SNX1: variants seen among roughly 807,000 people sequenced by gnomAD.
The protein encoded by SNX1 is sorting nexin 1, also known as sorting nexin-1.
A neutral mutation model predicts 71.8 loss-of-function variants in SNX1; 36 were observed. The ratio of observed to expected loss-of-function variants is 0.50; its 90% CI spans 0.38 to 0.66. The LOEUF is 0.66. Ranked by LOEUF, SNX1 falls within the 30% of genes least tolerant of loss-of-function variation. The probability of loss-of-function intolerance (pLI) is 0.00; values close to 1 mark genes in which losing one functional copy is unlikely to be tolerated. For missense variants in SNX1, 612 were observed against 646.7 expected (o/e 0.95, Z 0.58); for synonymous variants, 254 against 240.7 (o/e 1.06, Z -0.51).
chr15:64,115,698 G>A, intron 2 of SNX1: 1 of 210,838 alleles, frequency 4.7e-6, no homozygotes, highest in South Asian at 4.7e-5. Context: ...TGAGTAGCTA[G>A]GACCACAGGT....
Position 64,138,174 on chromosome 15 carries a change from G to C in SNX1, c.*556G>C. On this transcript the variant is annotated 3_prime_UTR_variant, in exon 15 of 15. Coordinates refer to ENST00000559844, the MANE Select transcript of SNX1 (RefSeq NM_003099.5). Reference sequence around the variant, plus strand: ...CTGGAAATGGGGTTTCTTTCTCTCCGCCTACCTCAGCTACCTGTTCTGAGG... The same window carrying C: ...CTGGAAATGGGGTTTCTTTCTCTCCCCCTACCTCAGCTACCTGTTCTGAGG... 1 of 1,535,168 alleles carries C rather than the reference G, an allele frequency of 6.5e-7. No homozygotes were observed. The highest frequency in any genetic ancestry group is 1.2e-5 in the South Asian group (1 of 83,954).
Position 64,118,771 on chromosome 15 carries a change from G to A in SNX1, c.400-17G>A. 2.5e-6 allele frequency: 4 copies of A among 1,596,796 alleles called. No individual in the cohort carries two copies. Among genetic ancestry groups the A allele is most frequent in the Non-Finnish European group, 3.4e-6 (4 of 1,165,450 alleles). ...TTTTTCATATCAACTCTCATGATTT[G>A]TCTTTTCTTGAAAAAGCTAGAGGAA... On this transcript the variant is annotated splice_polypyrimidine_tract_variant and intron_variant, in intron 3 of 14. Coordinates refer to ENST00000559844, the MANE Select transcript of SNX1 (RefSeq NM_003099.5).
intron 5 of SNX1, among the ~76,000 whole-genome samples, chr15:64,124,498 C>G (rs2081229871): frequency 7.3e-6 from 1 of 137,204 alleles, no homozygotes; most frequent in Non-Finnish European, 1.5e-5. Context: ...CAGAGGGAGA[C>G]TCTGTCTCAA....
intron 1 of SNX1, among the ~76,000 whole-genome samples, chr15:64,102,916 G>T (rs1376901659): frequency 6.6e-6 from 1 of 151,854 alleles, no homozygotes; most frequent in Non-Finnish European, 1.5e-5. Flanking sequence ...ACAGGTGCAT[G>T]CCACCATGCC....
chr15:64,096,102 G>T lies in SNX1; in HGVS notation c.89G>T (p.Gly30Val). 1.3e-6 allele frequency: 2 copies of T among 1,565,130 alleles called. No individual in the cohort carries two copies. Among genetic ancestry groups the T allele is most frequent in the Non-Finnish European group, 8.6e-7 (1 of 1,156,958 alleles). ...GLEPESEGAAGGSEPEAGDSD... is the reference protein window; with the variant it reads ...GLEPESEGAAVGSEPEAGDSD... The stretch of plus-strand genomic sequence containing the variant: ...GAGCCGGAGTCCGAGGGGGCGGCCG[G>T]GGGATCAGAACCCGAGGCTGGGGAC... The change falls in exon 1 of 15, where the codon GGG becomes GTG. Residue 30 changes from glycine (G) to valine (V), a missense_variant. Coordinates refer to ENST00000559844, the MANE Select transcript of SNX1 (RefSeq NM_003099.5).
intron 2 of SNX1, among the ~76,000 whole-genome samples, chr15:64,116,581 C>CCAT (rs1205785702): frequency 6.6e-6 from 1 of 152,220 alleles, no homozygotes; most frequent in South Asian, 2.1e-4. Context: ...TATGCATAAA[C>CCAT]CATCATCTCT....
At chr15:64,112,803 T>C (rs1043347355) in intron 2 of SNX1, 119 bp downstream of exon 2, 1 of 587,660 alleles carries the variant, frequency 1.7e-6, no homozygotes, top group Admixed American at 3.3e-5. Flanking sequence ...TGTAAAGTAC[T>C]TTTGTGGAGG....
chr15:64,119,353 C>T (rs2081167307), intron 4 of SNX1, among the ~76,000 whole-genome samples: 3 of 152,038 alleles, frequency 2.0e-5, no homozygotes, highest in African/African-American at 7.2e-5. Context: ...AACTCCTGGC[C>T]TCAAGTGATC....
At chr15:64,121,204 G>A (rs76031822) in intron 4 of SNX1, among the ~76,000 whole-genome samples, 1,847 of 152,284 alleles carry the variant, frequency 0.012, 38 homozygotes, top group African/African-American at 0.043. Context: ...CCAGGAGAGG[G>A]AACATACTGG....
At chr15:64,131,662 C>G in intron 10 of SNX1, 25 bp from the exon 11 acceptor site, 2 of 1,610,618 alleles carry the variant, frequency 1.2e-6, no homozygotes, top group Non-Finnish European at 8.5e-7. Context: ...TCAGAGAGGC[C>G]TCTGCTGTCT....
At chr15:64,099,631 G>A (rs553420807) in intron 1 of SNX1, among the ~76,000 whole-genome samples, 4 of 152,192 alleles carry the variant, frequency 2.6e-5, no homozygotes, top group African/African-American at 7.2e-5. Context: ...TAGCCTGGGC[G>A]AAAAAGTGAA....
At position 64,127,812 on chromosome 15, in the gene SNX1, T is replaced by C. The variant is rs779316415; in HGVS notation, c.807+6T>C. On this transcript the variant is annotated splice_donor_region_variant and intron_variant, in intron 8 of 14. Coordinates refer to ENST00000559844, the MANE Select transcript of SNX1 (RefSeq NM_003099.5). ...AGTTCTTGGAAAAAGAAGAGGTTAG[T>C]ATTCAGTGCAAACTGAATTTCATAA... The C allele has an allele frequency of 8.1e-6, 13 of 1,609,580 alleles. No homozygotes were observed. Among genetic ancestry groups the C allele is most frequent in the East Asian group, 2.2e-5 (1 of 44,872 alleles).
rs1446557205 is a variant in SNX1 at position 64,142,492 on chromosome 15, A to G, written c.*4874A>G. ...ACTATCAGAGCCATGTTTGGAAGAA[A>G]ATGGGGTCCAGAGCACAGGAAGGGG... is the stretch of plus-strand genomic sequence containing the variant. On this transcript the variant is annotated 3_prime_UTR_variant, in exon 15 of 15. Coordinates refer to ENST00000559844, the MANE Select transcript of SNX1 (RefSeq NM_003099.5). The G allele has an allele frequency of 2.9e-6, 1 of 343,692 alleles. No individual in the cohort carries two copies. Among genetic ancestry groups the G allele is most frequent in the Non-Finnish European group, 5.8e-6 (1 of 172,524 alleles). 21.3% of individuals were successfully genotyped at this position (343,692 alleles called of 1,614,324 possible).
intron 1 of SNX1, chr15:64,111,339 A>T (rs775928111): frequency 6.6e-6 from 1 of 152,240 alleles, no homozygotes; most frequent in African/African-American, 2.4e-5. Context: ...AGCTTATACA[A>T]CTAAGTGTTC....
At position 64,127,779 on chromosome 15, in the gene SNX1, C is replaced by A. The variant is rs567291724; in HGVS notation, c.780C>A (p.Asp260Glu). ...ATCCTACCATGTTACAGGACCCTGACGTCAGAGAGTTCTTGGAAAAAGAAG... is the reference window on the plus strand; with the variant it reads ...ATCCTACCATGTTACAGGACCCTGAAGTCAGAGAGTTCTTGGAAAAAGAAG... ...VNHPTMLQDPDVREFLEKEEL... is the reference protein window; with the variant it reads ...VNHPTMLQDPEVREFLEKEEL... Residue 260 changes from aspartate (D) to glutamate (E), a missense_variant, in exon 8 of 15, where the codon GAC becomes GAA. This residue lies in a region of SNX1 where 296 missense variants were observed against 361.9 expected (regional missense o/e 0.82). Transcript: ENST00000559844. 2.5e-6 allele frequency: 4 copies of A among 1,613,684 alleles called. No homozygotes were observed. In the South Asian group the frequency reaches 3.3e-5, roughly 13 times the overall value.
chr15:64,131,939 T>C (rs780743842), intron 11 of SNX1, 47 bp downstream of exon 11: 26 of 1,596,178 alleles, frequency 1.6e-5, no homozygotes, highest in Non-Finnish European at 2.1e-5. Flanking sequence ...TTTGATTTGT[T>C]TTTCCTTTGC....
At chr15:64,118,927 G>A (rs948407382) in intron 4 of SNX1, 73 bp downstream of exon 4, 9 of 1,145,888 alleles carry the variant, frequency 7.9e-6, no homozygotes, top group Non-Finnish European at 1.2e-5. Flanking sequence ...ATTTCAGGAT[G>A]GCTACCCCCA....
rs561379052 is a variant in SNX1 at position 64,141,562 on chromosome 15, C to T, written c.*3944C>T. Reference sequence around the variant, plus strand: ...CTAAAAGGTGTAAAAGTGTTTGTTGCTTCTGCCTCCCTGTCTGTCTGGCAG... The same window carrying T: ...CTAAAAGGTGTAAAAGTGTTTGTTGTTTCTGCCTCCCTGTCTGTCTGGCAG... On this transcript the variant is annotated 3_prime_UTR_variant, in exon 15 of 15. Coordinates refer to ENST00000559844, the MANE Select transcript of SNX1 (RefSeq NM_003099.5). This position sits in a 1 kb window ranked among gnomAD's most constrained non-coding sequence, Gnocchi z 5.1. 3.9e-5 allele frequency: 6 copies of T among 152,428 alleles called. No homozygotes were observed. Among genetic ancestry groups the T allele is most frequent in the African/African-American group, 1.4e-4 (6 of 41,584 alleles). The allele number at this position is 152,428 out of a possible 1,614,324, so 9.4% of individuals were successfully genotyped here. A position where few individuals can be genotyped will look rare whatever the true frequency, so the allele number is the denominator to read the frequency against.
Position 64,136,884 on chromosome 15 carries a change from G to A in SNX1, c.1470G>A (p.Lys490=), listed in dbSNP as rs1310612622. ...AGAAAGAGAAATCCAAGGACTTCAAGAACCACGTGATCAAGTACCTTGAGA... is the reference window on the plus strand; with the variant it reads ...AGAAAGAGAAATCCAAGGACTTCAAAAACCACGTGATCAAGTACCTTGAGA... The part of the protein sequence containing the change: ...RFEKEKSKDF[K]NHVIKYLETL... The change falls in exon 14 of 15, where the codon AAG becomes AAA. Residue 490 remains lysine (K), a synonymous_variant. Coordinates refer to ENST00000559844, the MANE Select transcript of SNX1 (RefSeq NM_003099.5). 2.5e-5 allele frequency: 41 copies of A among 1,613,844 alleles called. No homozygotes were observed. The highest frequency in any genetic ancestry group is 3.3e-5 in the Non-Finnish European group (39 of 1,179,908).
Sources: allele counts gnomAD v4.1 joint callset (sites outside exome capture counted in the v4.1 genomes callset), GRCh38; gene constraint gnomAD v4.1.1; regional missense constraint gnomAD v4.1.1; non-coding constraint Gnocchi (gnomAD v3.1); transcripts MANE v1.5; gene names NCBI Gene and HGNC (gene_info 2026-07-23, HGNC 2026-07-21).